The following MVB12B variants were observed in gnomAD, a reference collection of about 807,000 sequenced individuals.
MVB12B encodes ESCRT-I complex subunit MVB12B.
Under a neutral mutation model 41.6 loss-of-function variants are expected in MVB12B, and 16 were observed. That is an observed-to-expected ratio of 0.38 (90% CI 0.26 to 0.58). The LOEUF (loss-of-function observed/expected upper bound fraction) is 0.58. Among genes scored for constraint, MVB12B ranks in the 20% least tolerant of loss-of-function variants. The pLI is 0.62. For missense variants in MVB12B, 274 were observed against 380.2 expected (o/e 0.72, Z 2.32); for synonymous variants, 133 against 139.7 (o/e 0.95, Z 0.34).
chr9:126,428,397 A>G (rs1321871370), intron 7 of MVB12B, among the ~76,000 whole-genome samples: 1 of 152,214 alleles, frequency 6.6e-6, no homozygotes, highest in Non-Finnish European at 1.5e-5. Context: ...AAAAATGTGT[A>G]TCTTACAATG....
chr9:126,337,354 A>T (rs1010241972), intron 1 of MVB12B, among the ~76,000 whole-genome samples: 1 of 152,172 alleles, frequency 6.6e-6, no homozygotes, highest in Non-Finnish European at 1.5e-5. Context: ...TTATTGTTGT[A>T]AATTATTTAT....
intron 2 of MVB12B, among the ~76,000 whole-genome samples, chr9:126,377,939 T>C (rs1830525430): frequency 6.6e-6 from 1 of 152,230 alleles, no homozygotes; most frequent in South Asian, 2.1e-4. Context: ...GCTCATGCAC[T>C]AAGGCAGGCA....
In MVB12B at chr9:126,503,218, G is replaced by A; in HGVS notation, c.915G>A (p.Arg305=). The change falls in exon 10 of 10, where the codon AGG becomes AGA. Residue 305 remains arginine (R), a synonymous_variant. Coordinates refer to ENST00000361171, the MANE Select transcript of MVB12B (RefSeq NM_033446.3). The part of the protein sequence containing the change: ...SFRTEQSAAA[R]LPPSPTRCQQ... ...GCACAGAGCAGAGCGCAGCCGCCAGGCTCCCGCCCAGCCCCACCAGGTGTC... is the reference window on the plus strand; with the variant it reads ...GCACAGAGCAGAGCGCAGCCGCCAGACTCCCGCCCAGCCCCACCAGGTGTC... 1.3e-6 allele frequency: 2 copies of A among 1,550,744 alleles called. No homozygotes were observed. Among genetic ancestry groups the A allele is most frequent in the South Asian group, 2.4e-5 (2 of 84,092 alleles).
In MVB12B at chr9:126,486,409, G is replaced by A. The variant is rs1334007404; in HGVS notation, c.873+2377G>A. ...TGCTGCTGCCACAGGTGGTCACCAG[G>A]GCAGAGGTTACACTGACATACCTCC... On this transcript the variant is annotated intron_variant, in intron 9 of 9. Coordinates refer to ENST00000361171, the MANE Select transcript of MVB12B (RefSeq NM_033446.3). The surrounding 1 kb of genome is among the most constrained non-coding windows in gnomAD (Gnocchi z 4.7). Among the ~76,000 whole-genome samples the A allele has an allele frequency of 6.6e-6, 1 of 152,170 alleles. No individual in the cohort carries two copies. The highest frequency in any genetic ancestry group is 2.4e-5 in the African/African-American group (1 of 41,442).
chr9:126,395,795 A>G lies in MVB12B; in HGVS notation c.662+98A>G, dbSNP rs1388398862. The G allele has an allele frequency of 1.3e-6, 2 of 1,544,332 alleles. No homozygotes were observed. The highest frequency in any genetic ancestry group is 2.8e-5 in the African/African-American group (2 of 72,522). On this transcript the variant is annotated intron_variant, in intron 6 of 9. Coordinates refer to ENST00000361171, the MANE Select transcript of MVB12B (RefSeq NM_033446.3). The surrounding 1 kb of genome is among the most constrained non-coding windows in gnomAD (Gnocchi z 4.9). ...ACTTAGTGTCTGCTGAAATACTGCA[A>G]AGTACAGCTGAATAATTGTAGAAGC...
At chr9:126,493,880 T>A (rs183593689) in intron 9 of MVB12B, among the ~76,000 whole-genome samples, 154 of 152,322 alleles carry the variant, frequency 1.0e-3, no homozygotes, top group Non-Finnish European at 2.0e-3. Flanking sequence ...CCAGCTGCAT[T>A]TCATCGGTTC....
intron 6 of MVB12B, among the ~76,000 whole-genome samples, chr9:126,410,796 A>G (rs1287101667): frequency 6.6e-6 from 1 of 151,728 alleles, no homozygotes; most frequent in Non-Finnish European, 1.5e-5. Flanking sequence ...AGGTGGGACC[A>G]TGGCTCCCAT....
chr9:126,440,055 C>G (rs1832591381), intron 7 of MVB12B, among the ~76,000 whole-genome samples: 1 of 152,222 alleles, frequency 6.6e-6, no homozygotes, highest in African/African-American at 2.4e-5. Flanking sequence ...GACTCCCAGC[C>G]TGAACACAAC....
chr9:126,385,346 G>A (rs1050008108), intron 3 of MVB12B, among the ~76,000 whole-genome samples: 1 of 152,156 alleles, frequency 6.6e-6, no homozygotes, highest in African/African-American at 2.4e-5. Flanking sequence ...TAAATTGATA[G>A]GAAGGGAAAA....
At chr9:126,413,818 TTGTGTGTGTG>T (rs34089808) in intron 6 of MVB12B, among the ~76,000 whole-genome samples, 1,113 of 109,468 alleles carry the variant, frequency 0.01, 21 homozygotes, top group African/African-American at 0.033. Flanking sequence ...ACCCCATTGG[TTGTGTGTGTG>T]TGTGTGTGTG....
chr9:126,480,454 T>C lies in MVB12B; in HGVS notation c.758-915T>C, dbSNP rs1156827951. ...TCCTCCTCTCTGAGGTTATAATTCA[T>C]AGAGAAGTGCTCACTTACGGAGGCA... On this transcript the variant is annotated intron_variant, in intron 7 of 9. Transcript: ENST00000361171. The surrounding 1 kb of genome is among the most constrained non-coding windows in gnomAD (Gnocchi z 4.9). Among the ~76,000 whole-genome samples the C allele has an allele frequency of 6.6e-6, 1 of 152,144 alleles. No homozygotes were observed. Among genetic ancestry groups the C allele is most frequent in the Non-Finnish European group, 1.5e-5 (1 of 68,022 alleles).
chr9:126,362,346 G>A (rs1165895284), intron 2 of MVB12B, among the ~76,000 whole-genome samples: 1 of 152,172 alleles, frequency 6.6e-6, no homozygotes, highest in Non-Finnish European at 1.5e-5. Flanking sequence ...AGGGAGAGAT[G>A]TTAATTAAGA....
chr9:126,338,185 G>T (rs371637736), intron 1 of MVB12B, among the ~76,000 whole-genome samples: 3 of 152,250 alleles, frequency 2.0e-5, no homozygotes, highest in Admixed American at 6.5e-5. Flanking sequence ...ACAGCAGCTG[G>T]GGGGAAGGAG....
chr9:126,397,395 G>A, intron 6 of MVB12B: 1 of 985,460 alleles, frequency 1.0e-6, no homozygotes. Context: ...GGTTTGGAGG[G>A]TAGTGCGTCA....
chr9:126,418,302 G>T (rs1244304228), intron 6 of MVB12B, among the ~76,000 whole-genome samples: 2 of 152,192 alleles, frequency 1.3e-5, no homozygotes, highest in East Asian at 3.8e-4. Context: ...CATCAGTATT[G>T]CATGGAGCAG....
In MVB12B at chr9:126,421,926, C is replaced by A; in HGVS notation, c.735C>A (p.His245Gln). 6.2e-7 allele frequency: 1 copy of A among 1,613,936 alleles called. No homozygotes were observed. The highest frequency in any genetic ancestry group is 8.5e-7 in the Non-Finnish European group (1 of 1,179,890). The change falls in exon 7 of 10, where the codon CAC (histidine) becomes CAA (glutamine). Residue 245 changes from histidine to glutamine, a missense_variant. Coordinates refer to ENST00000361171, the MANE Select transcript of MVB12B (RefSeq NM_033446.3). ...NSTRTDYEYQ[H>Q]SNLYAISAMD... is the part of the protein sequence containing the mutation. ...CCCGGACGGACTACGAGTACCAGCACTCCAATTTGTATGCCATATCAGGTA... is the reference window on the plus strand; with the variant it reads ...CCCGGACGGACTACGAGTACCAGCAATCCAATTTGTATGCCATATCAGGTA...
rs957150829 is a variant in MVB12B at position 126,478,704 on chromosome 9, C to G, written c.758-2665C>G. Among the ~76,000 whole-genome samples the G allele has an allele frequency of 6.6e-6, 1 of 152,158 alleles. No individual in the cohort carries two copies. Among genetic ancestry groups the G allele is most frequent in the African/African-American group, 2.4e-5 (1 of 41,440 alleles). ...CCATTGGAGGCACAGGCAGTACTGA[C>G]AGCCTCTGACTAGGGAGGCCTCCCA... On this transcript the variant is annotated intron_variant, in intron 7 of 9. Transcript: ENST00000361171. This position sits in a 1 kb window ranked among gnomAD's most constrained non-coding sequence, Gnocchi z 4.2.
rs1830810216 is a variant in MVB12B at position 126,386,858 on chromosome 9, T to A, written c.409+200T>A. Among the ~76,000 whole-genome samples, 1 of 152,116 alleles carries A rather than the reference T, an allele frequency of 6.6e-6. No individual in the cohort carries two copies. The highest frequency in any genetic ancestry group is 1.5e-5 in the Non-Finnish European group (1 of 68,028). ...TTGCAGAGTATTCTGGGTAGCAGCATGTAAATGAGCAGAACGTGCCTTTCT... is the reference window on the plus strand; with the variant it reads ...TTGCAGAGTATTCTGGGTAGCAGCAAGTAAATGAGCAGAACGTGCCTTTCT... On this transcript the variant is annotated intron_variant, in intron 4 of 9. Coordinates refer to ENST00000361171, the MANE Select transcript of MVB12B (RefSeq NM_033446.3). This position sits in a 1 kb window ranked among gnomAD's most constrained non-coding sequence, Gnocchi z 4.3.
intron 2 of MVB12B, among the ~76,000 whole-genome samples, chr9:126,370,941 A>AT (rs1038911708): frequency 5.9e-5 from 9 of 152,044 alleles, no homozygotes; most frequent in Non-Finnish European, 7.4e-5. Flanking sequence ...TATACTCCAC[A>AT]TTTTTTTCTA....
Sources: gnomAD v4.1 joint callset for allele counts (sites outside exome capture counted in the v4.1 genomes callset) on GRCh38, gnomAD v4.1.1 for gene constraint, Gnocchi (gnomAD v3.1) non-coding constraint, MANE v1.5 for transcripts, NCBI Gene and HGNC (gene_info 2026-07-23, HGNC 2026-07-21) for gene names.